The following RNF8 variants were observed in gnomAD, a reference collection of about 807,000 sequenced individuals.
RNF8 encodes ring finger protein 8.
RNF8 carries 8 observed loss-of-function variants against 59.3 expected under a neutral mutation model. The observed-to-expected ratio is 0.13, with a 90% CI of 0.08 to 0.24. The LOEUF is 0.24. Ranked by LOEUF, RNF8 falls within the 10% of genes least tolerant of loss-of-function variation. RNF8 has a pLI of 1.00. For synonymous variants in RNF8, 162 were observed against 200.0 expected (o/e 0.81, Z 1.60); for missense variants, 406 against 572.6 (o/e 0.71, Z 2.97).
chr6:37,357,665 T>A (rs1416150830), intron 1 of RNF8, among the ~76,000 whole-genome samples: 1 of 152,200 alleles, frequency 6.6e-6, no homozygotes, highest in African/African-American at 2.4e-5. Flanking sequence ...AACTTTGTGC[T>A]CAGTGTTGGT....
rs1769013332 is a variant in RNF8 at position 37,354,052 on chromosome 6, G to T, written c.-113G>T. Reference sequence around the variant, plus strand: ...CTTTCGCAGCGATCGCGAGCGTGTGGCGATTGCTTCTGTCTGTTATTTAGA... The same window carrying T: ...CTTTCGCAGCGATCGCGAGCGTGTGTCGATTGCTTCTGTCTGTTATTTAGA... On this transcript the variant is annotated 5_prime_UTR_variant, in exon 1 of 8. Coordinates refer to ENST00000373479, the MANE Select transcript of RNF8 (RefSeq NM_003958.4). The T allele has an allele frequency of 6.7e-6, 6 of 891,960 alleles. 1 individual carries two copies. Among genetic ancestry groups the T allele is most frequent in the Non-Finnish European group, 1.1e-5 (6 of 560,310 alleles). The allele number at this position is 891,960 out of a possible 1,614,324, so 55.3% of individuals were successfully genotyped here. A position where few individuals can be genotyped will look rare whatever the true frequency, so the allele number is the denominator to read the frequency against.
In RNF8 at chr6:37,391,101, T is replaced by C. The variant is rs1770715609; in HGVS notation, c.*343T>C. 8.7e-6 allele frequency: 4 copies of C among 461,514 alleles called. No homozygotes were observed. In the Admixed American group the frequency reaches 1.1e-4, roughly 13 times the overall value. The allele number at this position is 461,514 out of a possible 1,614,324, so 28.6% of individuals were successfully genotyped here. Reference sequence around the variant, plus strand: ...TTTGATACCTCGGAAACACCTCCGTTGACAGTTGTTTTGGATAGGTTGGGT... The same window carrying C: ...TTTGATACCTCGGAAACACCTCCGTCGACAGTTGTTTTGGATAGGTTGGGT... On this transcript the variant is annotated 3_prime_UTR_variant, in exon 8 of 8. Transcript: ENST00000373479.
Position 37,381,137 on chromosome 6 carries a change from A to G in RNF8, c.1237-13A>G, listed in dbSNP as rs1770242711. 1.2e-6 allele frequency: 2 copies of G among 1,610,498 alleles called. No homozygotes were observed. Among genetic ancestry groups the G allele is most frequent in the Non-Finnish European group, 1.7e-6 (2 of 1,176,834 alleles). Reference sequence around the variant, plus strand: ...TGAAAGTTCTGATATGTGTGTCCACATTCCTACTGTAGGCTGTCACCTTGA... The same window carrying G: ...TGAAAGTTCTGATATGTGTGTCCACGTTCCTACTGTAGGCTGTCACCTTGA... On this transcript the variant is annotated splice_polypyrimidine_tract_variant and intron_variant, in intron 6 of 7. Coordinates refer to ENST00000373479, the MANE Select transcript of RNF8 (RefSeq NM_003958.4).
intron 5 of RNF8, 38 bp downstream of exon 5, chr6:37,374,747 T>G: frequency 1.4e-6 from 2 of 1,462,174 alleles, no homozygotes; most frequent in Non-Finnish European, 1.9e-6. Flanking sequence ...ATTTGGTTAG[T>G]GCATGCAACT....
intron 7 of RNF8, among the ~76,000 whole-genome samples, 198 bp from the exon 8 acceptor site, chr6:37,390,544 G>A (rs959216478): frequency 6.6e-6 from 1 of 152,152 alleles, no homozygotes. Context: ...GCCTTTGAAA[G>A]GACTTTGACT....
chr6:37,389,815 C>A (rs977737096), intron 7 of RNF8, among the ~76,000 whole-genome samples: 4 of 152,120 alleles, frequency 2.6e-5, no homozygotes, highest in South Asian at 4.1e-4. Context: ...GGGAGGGAAC[C>A]CTACTTGGTT....
At position 37,368,489 on chromosome 6, in the gene RNF8, A is replaced by G. The variant is rs867915688; in HGVS notation, c.246A>G (p.Leu82=). 2 of 1,614,176 alleles carry G rather than the reference A, an allele frequency of 1.2e-6. No homozygotes were observed. The highest frequency in any genetic ancestry group is 1.7e-6 in the Non-Finnish European group (2 of 1,180,018). ...GQWTIMDNKS[L]NGVWLNRARL... ...CTTTCTTTCACTTTCCCCAGAGTCT[A>G]AATGGTGTTTGGCTGAACAGAGCGC... is the stretch of plus-strand genomic sequence containing the variant. Residue 82 remains leucine (L), a synonymous_variant, in exon 3 of 8, where the codon CTA becomes CTG. Coordinates refer to ENST00000373479, the MANE Select transcript of RNF8 (RefSeq NM_003958.4).
intron 7 of RNF8, among the ~76,000 whole-genome samples, chr6:37,381,800 G>A (rs553434111): frequency 1.3e-5 from 2 of 152,312 alleles, no homozygotes; most frequent in Admixed American, 6.5e-5. Flanking sequence ...CCTGTGGTTT[G>A]AAACTGGCCC....
At position 37,391,073 on chromosome 6, in the gene RNF8, T is replaced by C. The variant is rs1770714148; in HGVS notation, c.*315T>C. 1.9e-6 allele frequency: 1 copy of C among 533,378 alleles called. No individual in the cohort carries two copies. Among genetic ancestry groups the C allele is most frequent in the Non-Finnish European group, 3.3e-6 (1 of 299,432 alleles). The allele number at this position is 533,378 out of a possible 1,614,324, so 33.0% of individuals were successfully genotyped here. On this transcript the variant is annotated 3_prime_UTR_variant, in exon 8 of 8. Coordinates refer to ENST00000373479, the MANE Select transcript of RNF8 (RefSeq NM_003958.4). ...TTTTTTAATTTGTTGTTGTTGTTAC[T>C]GTTTTGATACCTCGGAAACACCTCC...
rs1769684809 is a variant in RNF8, at chr6:37,368,955, A to G, written c.712A>G (p.Asn238Asp). 1.9e-6 allele frequency: 3 copies of G among 1,614,232 alleles called. No individual in the cohort carries two copies. The highest frequency in any genetic ancestry group is 2.5e-6 in the Non-Finnish European group (3 of 1,180,046). Residue 238 changes from asparagine to aspartate, a missense_variant, in exon 3 of 8, where the codon AAC (asparagine) becomes GAC (aspartate). Transcript: ENST00000373479. ...GGTTCATCATGAGCAGAAAGCCTCA[A>G]ACTCTTCAGCATCTCAGAGAAGCTT... Reference protein sequence around the residue: ...TEVHHEQKASNSSASQRSLQM... With the variant: ...TEVHHEQKASDSSASQRSLQM...
At chr6:37,368,299 A>C in intron 2 of RNF8, 185 bp from the exon 3 acceptor site, 1 of 1,452,722 alleles carries the variant, frequency 6.9e-7, no homozygotes, top group Non-Finnish European at 9.3e-7. Flanking sequence ...AATATAGGTA[A>C]AAAGCCAAAG....
In RNF8 at chr6:37,377,799, T is replaced by C. The variant is rs1770083925; in HGVS notation, c.1236+766T>C. Among the ~76,000 whole-genome samples the C allele has an allele frequency of 2.0e-5, 3 of 152,196 alleles. No individual in the cohort carries two copies. The South Asian group carries it at 6.2e-4, about 31-fold the overall frequency. Reference sequence around the variant, plus strand: ...TAAACGTCATTAAAATGTGGTCACTTTGGGAATTTACGGCCCAAGTTGAAT... The same window carrying C: ...TAAACGTCATTAAAATGTGGTCACTCTGGGAATTTACGGCCCAAGTTGAAT... On this transcript the variant is annotated intron_variant, in intron 6 of 7. Transcript: ENST00000373479.
intron 1 of RNF8, chr6:37,359,112 TAACA>T (rs1196278383): frequency 9.7e-6 from 4 of 410,886 alleles, no homozygotes; most frequent in Non-Finnish European, 1.4e-5. Context: ...AAAAAAAAAT[TAACA>T]AACAAAAAAG....
At chr6:37,368,122 A>G (rs139813908) in intron 2 of RNF8, among the ~76,000 whole-genome samples, 32 of 152,292 alleles carry the variant, frequency 2.1e-4, no homozygotes, top group African/African-American at 6.5e-4. Context: ...TTTCTTCACT[A>G]ATAGCATTTT....
chr6:37,392,974 G>A lies in RNF8; in HGVS notation c.*2216G>A, dbSNP rs1167617501. 4.9e-6 allele frequency: 1 copy of A among 205,820 alleles called. No individual in the cohort carries two copies. The highest frequency in any genetic ancestry group is 1.0e-4 in the East Asian group (1 of 9,700). The allele number at this position is 205,820 out of a possible 1,614,324, so 12.7% of individuals were successfully genotyped here. ...TGGCCAAGAAGAGACATCTTGACTTGAGCCTGAAGACTATGTACAGAGACT... is the reference window on the plus strand; with the variant it reads ...TGGCCAAGAAGAGACATCTTGACTTAAGCCTGAAGACTATGTACAGAGACT... On this transcript the variant is annotated 3_prime_UTR_variant, in exon 8 of 8. Transcript: ENST00000373479.
intron 2 of RNF8, among the ~76,000 whole-genome samples, chr6:37,364,632 C>T (rs1463737164): frequency 6.6e-6 from 1 of 152,204 alleles, no homozygotes; most frequent in African/African-American, 2.4e-5. Context: ...ATGGTACCTC[C>T]ACTTTGAAAA....
At chr6:37,389,321 G>T (rs1380180651) in intron 7 of RNF8, among the ~76,000 whole-genome samples, 3 of 151,596 alleles carry the variant, frequency 2.0e-5, no homozygotes, top group Non-Finnish European at 4.4e-5. Context: ...TATAAGTTGT[G>T]GGGGATGGTG....
Position 37,375,021 on chromosome 6 carries a change from A to C in RNF8, c.1128+312A>C, listed in dbSNP as rs574883884. 5.8e-4 allele frequency among the ~76,000 whole-genome samples: 88 copies of C among 152,372 alleles called. 1 individual carries two copies. In the South Asian group the frequency reaches 0.018, roughly 31 times the overall value. On this transcript the variant is annotated intron_variant, in intron 5 of 7. Transcript: ENST00000373479. ...GACTGAGGAATATTGTAGTCAAGAA[A>C]TAGTTCCTCCTGAACTATGTAATTT... is the stretch of plus-strand genomic sequence containing the variant.
intron 6 of RNF8, among the ~76,000 whole-genome samples, chr6:37,378,080 G>A (rs1451706407): frequency 6.6e-6 from 1 of 152,172 alleles, no homozygotes; most frequent in East Asian, 1.9e-4. Context: ...GATCACCTGA[G>A]GTTAGGAGCT....
Sources: gnomAD v4.1 joint callset for allele counts (sites outside exome capture counted in the v4.1 genomes callset) on GRCh38, gnomAD v4.1.1 for gene constraint, MANE v1.5 for transcripts, NCBI Gene and HGNC (gene_info 2026-07-23, HGNC 2026-07-21) for gene names.